The following GBE1 variants were observed in gnomAD, a reference collection of about 807,000 sequenced individuals.
The protein encoded by GBE1 is 1,4-alpha-glucan branching enzyme 1, also known as 1,4-alpha-glucan-branching enzyme.
In GBE1, 70 loss-of-function variants were observed where a neutral mutation model predicts 88.8. That is an observed-to-expected ratio of 0.79 (90% CI 0.65 to 0.96). The LOEUF is 0.96. GBE1 is among the 40% of genes least tolerant of loss of function. The pLI is 0.00. For synonymous variants in GBE1, 284 were observed against 300.1 expected (o/e 0.95, Z 0.56); for missense variants, 872 against 871.0 (o/e 1.00, Z -0.01).
chr3:81,697,383 T>A (rs1455755674), intron 2 of GBE1, among the ~76,000 whole-genome samples: 1 of 149,412 alleles, frequency 6.7e-6, no homozygotes, highest in Admixed American at 6.7e-5. Context: ...CACTGCAACC[T>A]CCGTCTCCCA....
At chr3:81,672,690 G>A (rs1047827498) in intron 2 of GBE1, among the ~76,000 whole-genome samples, 2 of 151,804 alleles carry the variant, frequency 1.3e-5, no homozygotes, top group Non-Finnish European at 3.0e-5. Flanking sequence ...ATTATTTTTT[G>A]TTAAAGTGAG....
chr3:81,747,879 C>T (rs899733070), intron 1 of GBE1, among the ~76,000 whole-genome samples: 1 of 152,194 alleles, frequency 6.6e-6, no homozygotes. Context: ...TATCTCCCTT[C>T]GCTGACTCTC....
Position 81,578,060 on chromosome 3 carries a change from T to A in GBE1, c.1483A>T (p.Met495Leu), listed in dbSNP as rs1293221510. Reference protein sequence around the residue: ...VGDKSLAFWLMDAEMYTNMSV... With the variant: ...VGDKSLAFWLLDAEMYTNMSV... ...ATGTTTGTATACATTTCGGCATCCA[T>A]CAACCAAAATGCCAGCGACTTATCC... Residue 495 changes from methionine to leucine, a missense_variant, in exon 12 of 16, where the codon ATG (methionine) becomes TTG (leucine). Physicochemically the swap from Met to Leu is conservative, Grantham distance 15. Transcript: ENST00000429644. 1 of 1,607,154 alleles carries A rather than the reference T, an allele frequency of 6.2e-7. No individual in the cohort carries two copies. The highest frequency in any genetic ancestry group is 8.5e-7 in the Non-Finnish European group (1 of 1,176,786).
chr3:81,738,800 C>A (rs1311148635), intron 1 of GBE1, among the ~76,000 whole-genome samples: 1 of 152,102 alleles, frequency 6.6e-6, no homozygotes, highest in African/African-American at 2.4e-5. Flanking sequence ...GTATTATTAT[C>A]CTCATGTTAT....
intron 7 of GBE1, among the ~76,000 whole-genome samples, chr3:81,607,392 T>C (rs1238626054): frequency 6.6e-6 from 1 of 151,712 alleles, no homozygotes; most frequent in Non-Finnish European, 1.5e-5. Context: ...CTACTAAAAC[T>C]ACAAAAATTA....
At chr3:81,627,255 T>C (rs929729827) in intron 7 of GBE1, among the ~76,000 whole-genome samples, 7 of 152,204 alleles carry the variant, frequency 4.6e-5, no homozygotes, top group Admixed American at 6.6e-5. Context: ...TATTCTAATT[T>C]GGGAGAATTA....
chr3:81,547,569 G>T (rs574135047), intron 12 of GBE1, among the ~76,000 whole-genome samples: 2 of 150,734 alleles, frequency 1.3e-5, no homozygotes, highest in Non-Finnish European at 1.5e-5. Context: ...CCAGAAGCCC[G>T]GCATGCCAGC....
At chr3:81,544,370 G>A (rs1007201455) in intron 12 of GBE1, among the ~76,000 whole-genome samples, 8 of 152,058 alleles carry the variant, frequency 5.3e-5, no homozygotes, top group African/African-American at 9.7e-5. Context: ...AAGCATGATC[G>A]TTCTGCTCAT....
At chr3:81,676,292 C>A (rs1052391068) in intron 2 of GBE1, among the ~76,000 whole-genome samples, 1 of 151,960 alleles carries the variant, frequency 6.6e-6, no homozygotes, top group African/African-American at 2.4e-5. Context: ...CATTTAGGAA[C>A]CTCCAAGAAT....
intron 7 of GBE1, among the ~76,000 whole-genome samples, chr3:81,636,159 G>A (rs369798370): frequency 9.2e-5 from 14 of 152,270 alleles, no homozygotes; most frequent in African/African-American, 3.1e-4. Context: ...AGACAGATTG[G>A]ATTGATATAG....
intron 12 of GBE1, among the ~76,000 whole-genome samples, chr3:81,560,527 A>T (rs890105232): frequency 6.6e-6 from 1 of 152,022 alleles, no homozygotes; most frequent in African/African-American, 2.4e-5. Context: ...AAATAAAAAC[A>T]TGATGTATAA....
chr3:81,676,513 G>A (rs1705254085), intron 2 of GBE1, among the ~76,000 whole-genome samples: 1 of 151,890 alleles, frequency 6.6e-6, no homozygotes, highest in East Asian at 1.9e-4. Context: ...CAATTAATAT[G>A]TACTAATTAC....
chr3:81,515,390 T>G (rs1702785020), intron 14 of GBE1, among the ~76,000 whole-genome samples: 1 of 151,540 alleles, frequency 6.6e-6, no homozygotes, highest in African/African-American at 2.4e-5. Context: ...ACTATTGTAA[T>G]TGTTTTGGGG....
At chr3:81,526,747 C>A (rs971444591) in intron 14 of GBE1, among the ~76,000 whole-genome samples, 16 of 151,946 alleles carry the variant, frequency 1.1e-4, no homozygotes, top group East Asian at 7.7e-4. Context: ...AGAACATTCC[C>A]TGCTCATGGG....
chr3:81,730,480 T>C (rs1706170907), intron 1 of GBE1, among the ~76,000 whole-genome samples: 1 of 152,232 alleles, frequency 6.6e-6, no homozygotes, highest in Non-Finnish European at 1.5e-5. Context: ...GAAGTCCTCA[T>C]GTTCAAAGTG....
At chr3:81,742,327 T>C (rs1363295992) in intron 1 of GBE1, among the ~76,000 whole-genome samples, 1 of 152,122 alleles carries the variant, frequency 6.6e-6, no homozygotes, top group Non-Finnish European at 1.5e-5. Context: ...CTAGTGTGAA[T>C]ACTGCTGTTC....
chr3:81,711,273 T>G (rs1454935140), intron 1 of GBE1, among the ~76,000 whole-genome samples: 1 of 152,174 alleles, frequency 6.6e-6, no homozygotes, highest in Non-Finnish European at 1.5e-5. Context: ...AGATTTTATT[T>G]TGTCATTTGC....
intron 2 of GBE1, among the ~76,000 whole-genome samples, chr3:81,704,171 T>G (rs574627739): frequency 4.0e-4 from 61 of 152,036 alleles, no homozygotes; most frequent in African/African-American, 1.4e-3. Flanking sequence ...AAATATAATT[T>G]ATTATTAAAT....
intron 12 of GBE1, among the ~76,000 whole-genome samples, chr3:81,538,697 T>A (rs553587410): frequency 5.9e-5 from 9 of 152,070 alleles, no homozygotes; most frequent in African/African-American, 2.2e-4. Flanking sequence ...ATTGGAGCAA[T>A]CTTTACTGAT....
Sources: gnomAD v4.1 joint callset for allele counts (sites outside exome capture counted in the v4.1 genomes callset) on GRCh38, gnomAD v4.1.1 for gene constraint, MANE v1.5 for transcripts, NCBI Gene and HGNC (gene_info 2026-07-23, HGNC 2026-07-21) for gene names.